Variants in B4GALNT1 observed in about 807,000 individuals in gnomAD.
B4GALNT1 encodes the protein beta-1,4 N-acetylgalactosaminyltransferase 1.
In B4GALNT1, 43 loss-of-function variants were observed where a neutral mutation model predicts 55.2. The ratio of observed to expected loss-of-function variants is 0.78; its 90% CI spans 0.61 to 1.00. The LOEUF (loss-of-function observed/expected upper bound fraction) is 1.00. Ranked by LOEUF, B4GALNT1 falls within the 50% of genes least tolerant of loss-of-function variation. The pLI, the probability that B4GALNT1 is intolerant of heterozygous loss-of-function variation, is 0.00. For synonymous variants in B4GALNT1, 305 were observed against 311.6 expected (o/e 0.98, Z 0.22); for missense variants, 664 against 729.7 (o/e 0.91, Z 1.04).
rs1303051837 is a variant in B4GALNT1 at position 57,630,285 on chromosome 12, C to T, written c.579G>A (p.Val193=). 6.2e-7 allele frequency: 1 copy of T among 1,614,204 alleles called. No homozygotes were observed. The highest frequency in any genetic ancestry group is 1.3e-5 in the African/African-American group (1 of 75,044). ...SLGTWDVAGE[V]TGVTLTGEGQ... ...CCTCTCCAGTGAGAGTAACTCCAGT[C>T]ACTTCCCCTGCCACGTCCCAGGTGC... Residue 193 remains valine, a synonymous_variant, in exon 6 of 11, where the codon GTG becomes GTA. Transcript: ENST00000341156.
At position 57,624,663 on chromosome 12, in the gene B4GALNT1, T is replaced by G. The variant is rs1243561004; in HGVS notation, c.*2081A>C. Reference sequence around the variant, plus strand: ...GGGCAGGGGAAGAGAATGAGGTGCTTGGGGTGACTCTCCAGCCAGGCCAGG... The same window carrying G: ...GGGCAGGGGAAGAGAATGAGGTGCTGGGGGTGACTCTCCAGCCAGGCCAGG... On this transcript the variant is annotated 3_prime_UTR_variant, in exon 11 of 11. Coordinates refer to ENST00000341156, the MANE Select transcript of B4GALNT1 (RefSeq NM_001478.5). The G allele has an allele frequency of 1.4e-6, 1 of 731,502 alleles. No individual in the cohort carries two copies. The highest frequency in any genetic ancestry group is 2.6e-6 in the Non-Finnish European group (1 of 391,540). The allele number at this position is 731,502 out of a possible 1,614,324, so 45.3% of individuals were successfully genotyped here. A position where few individuals can be genotyped will look rare whatever the true frequency, so the allele number is the denominator to read the frequency against.
intron 1 of B4GALNT1, chr12:57,632,485 C>A (rs1329544093): frequency 2.7e-6 from 1 of 368,260 alleles, no homozygotes; most frequent in Non-Finnish European, 5.1e-6. Context: ...TGGCAGTCCC[C>A]AAGCCCGCCG....
chr12:57,628,360 C>T, intron 8 of B4GALNT1, 98 bp from the exon 9 acceptor site: 1 of 1,542,272 alleles, frequency 6.5e-7, no homozygotes, highest in Non-Finnish European at 8.8e-7. Context: ...AGCTTGTATT[C>T]TTCTCCAGAC....
In B4GALNT1 at chr12:57,628,201, ACCC is replaced by A. The variant is rs1193421419; in HGVS notation, c.1061_1063del (p.Trp354_Val355delinsLeu). ...CGCCGTGAAGACGAAGTCGTCGTCC[ACCC>A]ACAGCACGTACTTGGTGGTTACTTG... On this transcript the variant is annotated inframe_deletion, in exon 9 of 11. Coordinates refer to ENST00000341156, the MANE Select transcript of B4GALNT1 (RefSeq NM_001478.5). 2.5e-6 allele frequency: 4 copies of A among 1,614,240 alleles called. No individual in the cohort carries two copies. In the Admixed American group the frequency reaches 6.7e-5, roughly 27 times the overall value.
intron 10 of B4GALNT1, 142 bp downstream of exon 10, chr12:57,627,476 T>C: frequency 1.0e-6 from 1 of 971,438 alleles, no homozygotes; most frequent in African/African-American, 1.7e-5. Context: ...CAGGTGCAGG[T>C]CTTGGTAAAT....
At position 57,625,112 on chromosome 12, in the gene B4GALNT1, T is replaced by G. The variant is rs368172507; in HGVS notation, c.*1632A>C. On this transcript the variant is annotated 3_prime_UTR_variant, in exon 11 of 11. Coordinates refer to ENST00000341156, the MANE Select transcript of B4GALNT1 (RefSeq NM_001478.5). ...GTTTCGGGAGTGGTGACTGCCCTTC[T>G]TTACTTATAGGAGACTTCAAAGCCA... is the stretch of plus-strand genomic sequence containing the variant. The G allele has an allele frequency of 3.2e-5, 51 of 1,613,950 alleles. No individual in the cohort carries two copies. The highest frequency in any genetic ancestry group is 4.2e-5 in the Non-Finnish European group (50 of 1,179,986).
chr12:57,629,253 G>T, intron 6 of B4GALNT1, 107 bp from the exon 7 acceptor site: 1 of 910,416 alleles, frequency 1.1e-6, no homozygotes, highest in South Asian at 2.2e-5. Context: ...TCTAGGCCTT[G>T]GTGGACAAGA....
At position 57,626,832 on chromosome 12, in the gene B4GALNT1, C is replaced by T. The variant is rs144887664; in HGVS notation, c.1514G>A (p.Arg505His). The T allele has an allele frequency of 2.4e-5, 38 of 1,614,200 alleles. No homozygotes were observed. Among genetic ancestry groups the T allele is most frequent in the Non-Finnish European group, 3.0e-5 (35 of 1,180,042 alleles). The stretch of plus-strand genomic sequence containing the variant: ...GCTCTCGTCCAGTGATCCTGGGTAA[C>T]GGTACCGGGCGTAAGTCTCTGCTCC... ...DAGAETYARYRYPGSLDESQM... is the reference protein window; with the variant it reads ...DAGAETYARYHYPGSLDESQM... The change falls in exon 11 of 11, where the codon CGT becomes CAT. Residue 505 changes from arginine to histidine, a missense_variant. Coordinates refer to ENST00000341156, the MANE Select transcript of B4GALNT1 (RefSeq NM_001478.5).
intron 8 of B4GALNT1, 51 bp from the exon 9 acceptor site, chr12:57,628,313 C>T: frequency 1.2e-6 from 2 of 1,605,752 alleles, no homozygotes; most frequent in Non-Finnish European, 1.7e-6. Flanking sequence ...AGGACATGGC[C>T]CTCTGCCACC....
At position 57,624,310 on chromosome 12, in the gene B4GALNT1, T is replaced by C. The variant is rs1176733479; in HGVS notation, c.*2434A>G. On this transcript the variant is annotated 3_prime_UTR_variant, in exon 11 of 11. Coordinates refer to ENST00000341156, the MANE Select transcript of B4GALNT1 (RefSeq NM_001478.5). ...TGAATATTTGTAACTTCCCAACTGG[T>C]GCGGGTCATTACATTTGGTGTGTGT... 1.3e-5 allele frequency: 8 copies of C among 628,630 alleles called. No homozygotes were observed. In the East Asian group the frequency reaches 1.9e-4, roughly 15 times the overall value. 38.9% of individuals were successfully genotyped at this position (628,630 alleles called of 1,614,324 possible). A position where few individuals can be genotyped will look rare whatever the true frequency, so the allele number is the denominator to read the frequency against.
chr12:57,630,267 A>G lies in B4GALNT1; in HGVS notation c.597T>C (p.Thr199=). 6.2e-7 allele frequency: 1 copy of G among 1,614,188 alleles called. No individual in the cohort carries two copies. Residue 199 remains threonine, a synonymous_variant, in exon 6 of 11, where the codon ACT becomes ACC. Coordinates refer to ENST00000341156, the MANE Select transcript of B4GALNT1 (RefSeq NM_001478.5). ...VAGEVTGVTL[T]GEGQADLTLV... is the part of the protein sequence containing the mutation. ...GGGTGAGATCTGCCTGACCCTCTCC[A>G]GTGAGAGTAACTCCAGTCACTTCCC...
At position 57,631,373 on chromosome 12, in the gene B4GALNT1, G is replaced by A. The variant is rs374095074; in HGVS notation, c.219-9C>T. On this transcript the variant is annotated splice_polypyrimidine_tract_variant and intron_variant, in intron 2 of 10. Transcript: ENST00000341156. ...TGTTCCAAGCCAGCAGCCTGAAGGG[G>A]GTAGGTAGTGAGGGTCATCAGAGCC... 2.2e-5 allele frequency: 35 copies of A among 1,613,682 alleles called. No individual in the cohort carries two copies. The African/African-American group carries it at 4.0e-4, about 18-fold the overall frequency.
chr12:57,629,701 A>G (rs1885071884), intron 6 of B4GALNT1: 1 of 1,314,502 alleles, frequency 7.6e-7, no homozygotes, highest in South Asian at 1.8e-5. Context: ...CAGGCTGAGA[A>G]AATAGAAAGT....
At chr12:57,632,177 G>A (rs1273222923) in intron 1 of B4GALNT1, 44 bp from the exon 2 acceptor site, 1 of 1,497,882 alleles carries the variant, frequency 6.7e-7, no homozygotes, top group Non-Finnish European at 9.1e-7. Context: ...AGGGAAGAAG[G>A]GAGGGCAAGG....
intron 10 of B4GALNT1, among the ~76,000 whole-genome samples, chr12:57,627,217 C>T (rs373916324): frequency 1.4e-3 from 219 of 152,168 alleles, no homozygotes; most frequent in South Asian, 3.9e-3. Flanking sequence ...GTTGCACCGA[C>T]TGTGGTCTGA....
Position 57,631,328 on chromosome 12 carries a change from A to G in B4GALNT1, c.255T>C (p.Ser85=). Residue 85 remains serine (S), a synonymous_variant, in exon 3 of 11, where the codon AGT becomes AGC. Transcript: ENST00000341156. ...LAWNNCSCES[S]GGGLPLPFQK... ...GGAAGGGGAGGGGGAGGCCCCCCCC[A>G]CTGGACTCACAACTGCAGTTGTTCC... 1.9e-6 allele frequency: 3 copies of G among 1,613,982 alleles called. No homozygotes were observed. The African/African-American group carries it at 4.0e-5, about 22-fold the overall frequency.
intron 6 of B4GALNT1, chr12:57,629,802 G>T: frequency 6.9e-7 from 1 of 1,441,056 alleles, no homozygotes; most frequent in Non-Finnish European, 9.1e-7. Flanking sequence ...TGCTGGAAGA[G>T]AAATGGGATC....
In B4GALNT1 at chr12:57,623,796, GCT is replaced by G; in HGVS notation, c.*2946_*2947del. The G allele has an allele frequency of 3.8e-6, 6 of 1,574,804 alleles. No individual in the cohort carries two copies. The highest frequency in any genetic ancestry group is 4.3e-6 in the Non-Finnish European group (5 of 1,150,536). On this transcript the variant is annotated 3_prime_UTR_variant, in exon 11 of 11. Transcript: ENST00000341156. ...ACCAGCTCTCATGTGGGGGTGGGAG[GCT>G]CTCTTCCTTTTTTGCTCCTGTTCCT...
In B4GALNT1 at chr12:57,626,901, T is replaced by C; in HGVS notation, c.1445A>G (p.Asp482Gly). The change falls in exon 11 of 11, where the codon GAT (aspartate) becomes GGT (glycine). Residue 482 changes from aspartate (D) to glycine (G), a missense_variant. Physicochemically the swap from Asp to Gly is moderately conservative, Grantham distance 94. Coordinates refer to ENST00000341156, the MANE Select transcript of B4GALNT1 (RefSeq NM_001478.5). Reference sequence around the variant, plus strand: ...AGGCAGCTTCAGTTTGGATGCATGATCCACCACGACGTCGGAGCAGGAGCC... The same window carrying C: ...AGGCAGCTTCAGTTTGGATGCATGACCCACCACGACGTCGGAGCAGGAGCC... ...RVGSCSDVVV[D>G]HASKLKLPWT... is the part of the protein sequence containing the mutation. 6.2e-7 allele frequency: 1 copy of C among 1,614,104 alleles called. No individual in the cohort carries two copies. Among genetic ancestry groups the C allele is most frequent in the Non-Finnish European group, 8.5e-7 (1 of 1,180,006 alleles).
Sources: allele counts gnomAD v4.1 joint callset (sites outside exome capture counted in the v4.1 genomes callset), GRCh38; gene constraint gnomAD v4.1.1; transcripts MANE v1.5; gene names NCBI Gene and HGNC (gene_info 2026-07-23, HGNC 2026-07-21).